The following ADGRV1 variants were observed in gnomAD, a reference collection of about 807,000 sequenced individuals.
ADGRV1 encodes adhesion G protein-coupled receptor V1, also known as G-protein coupled receptor 98.
Under a neutral mutation model 596.2 loss-of-function variants are expected in ADGRV1, and 359 were observed. The ratio of observed to expected loss-of-function variants is 0.60; its 90% CI spans 0.55 to 0.66. ADGRV1 has a LOEUF of 0.66. Ranked by LOEUF, ADGRV1 falls within the 30% of genes least tolerant of loss-of-function variation. ADGRV1 has a pLI of 0.00. For synonymous variants in ADGRV1, 2,681 were observed against 2,679.2 expected (o/e 1.00, Z -0.02); for missense variants, 7,274 against 7,575.6 (o/e 0.96, Z 1.48).
intron 83 of ADGRV1, among the ~76,000 whole-genome samples, chr5:90,926,506 AT>A (rs1409060980): frequency 6.6e-6 from 1 of 150,492 alleles, no homozygotes; most frequent in Non-Finnish European, 1.5e-5. Context: ...TATTGTGTCT[AT>A]TTGATTCTTC....
chr5:90,602,830 G>A (rs371222544), intron 1 of ADGRV1, among the ~76,000 whole-genome samples: 1 of 152,224 alleles, frequency 6.6e-6, no homozygotes, highest in African/African-American at 2.4e-5. Flanking sequence ...AGACATGGTG[G>A]TGGCTCAGCA....
intron 83 of ADGRV1, among the ~76,000 whole-genome samples, chr5:90,875,338 A>T (rs1305149090): frequency 6.6e-6 from 1 of 152,240 alleles, no homozygotes; most frequent in Non-Finnish European, 1.5e-5. Context: ...CAGAAAAGAA[A>T]TGCTTATAAA....
At chr5:91,041,683 C>A (rs1468936995) in intron 85 of ADGRV1, among the ~76,000 whole-genome samples, 1 of 150,478 alleles carries the variant, frequency 6.6e-6, no homozygotes, top group Non-Finnish European at 1.5e-5. Context: ...TTTGAAATAA[C>A]CTCTTTATGG....
chr5:90,684,917 A>G (rs751204157), intron 28 of ADGRV1, among the ~76,000 whole-genome samples: 3 of 152,290 alleles, frequency 2.0e-5, no homozygotes, highest in Middle Eastern at 3.4e-3. Context: ...AGTAATTTAG[A>G]GTATGATGAT....
At position 90,644,746 on chromosome 5, in the gene ADGRV1, T is replaced by A; in HGVS notation, c.2775T>A (p.Asp925Glu). ...DVVRNRGNFGDVSVSWVVSPD... is the reference protein window; with the variant it reads ...DVVRNRGNFGEVSVSWVVSPD... The stretch of plus-strand genomic sequence containing the variant: ...TAAGAAATCGAGGCAACTTTGGTGA[T>A]GTTAGTGTATCATGGGTGGTTAGTC... The change falls in exon 15 of 90, where the codon GAT becomes GAA. Residue 925 changes from aspartate to glutamate, a missense_variant. By Grantham distance (45) the Asp-to-Glu change is conservative (BLOSUM62 2). Transcript: ENST00000405460. 6.2e-7 allele frequency: 1 copy of A among 1,611,686 alleles called. No homozygotes were observed. The highest frequency in any genetic ancestry group is 8.5e-7 in the Non-Finnish European group (1 of 1,179,278).
At chr5:90,846,716 G>A (rs1765916795) in intron 78 of ADGRV1, 1 of 152,560 alleles carries the variant, frequency 6.6e-6, no homozygotes, top group Non-Finnish European at 1.5e-5. Context: ...TTATTGCAAA[G>A]AGCGGAAGAA....
intron 82 of ADGRV1, among the ~76,000 whole-genome samples, chr5:90,858,353 A>G (rs1767226572): frequency 6.6e-6 from 1 of 152,170 alleles, no homozygotes; most frequent in South Asian, 2.1e-4. Flanking sequence ...TATTTTGAGG[A>G]TGTCAAGGAA....
rs61201553 is a variant in ADGRV1, at chr5:90,572,869, G to A, written c.22+13952G>A. On this transcript the variant is annotated intron_variant, in intron 1 of 89. Transcript: ENST00000405460. ...ATGGACTGGATAGGAGGAAGGATAC[G>A]TCAGAGAATGTATTCATGCCCTTCC... 6.4e-3 allele frequency among the ~76,000 whole-genome samples: 977 copies of A among 152,264 alleles called. 9 individuals carry two copies. The highest frequency in any genetic ancestry group is 0.02 in the Middle Eastern group (6 of 294).
intron 77 of ADGRV1, among the ~76,000 whole-genome samples, chr5:90,837,133 A>C (rs147891632): frequency 3.4e-4 from 52 of 152,332 alleles, no homozygotes; most frequent in African/African-American, 1.2e-3. Flanking sequence ...TTGTGATATA[A>C]AGTTAAGAAG....
intron 60 of ADGRV1, among the ~76,000 whole-genome samples, chr5:90,775,157 T>C (rs1338528305): frequency 6.6e-6 from 1 of 152,196 alleles, no homozygotes; most frequent in African/African-American, 2.4e-5. Flanking sequence ...AATTTGGTGA[T>C]TAATACATTT....
In ADGRV1 at chr5:91,007,358, TC is replaced by T. The variant is rs1782363424; in HGVS notation, c.18152+21837del. 2.6e-5 allele frequency among the ~76,000 whole-genome samples: 4 copies of T among 152,104 alleles called. No homozygotes were observed. In the South Asian group the frequency reaches 8.3e-4, roughly 32 times the overall value. On this transcript the variant is annotated intron_variant, in intron 85 of 89. Coordinates refer to ENST00000405460, the MANE Select transcript of ADGRV1 (RefSeq NM_032119.4). The stretch of plus-strand genomic sequence containing the variant: ...TTAACATATACTCATAGTGTAGCCT[TC>T]AGTGCTTAGACTCATTCCATTCTTT...
chr5:90,783,906 TAGTG>T lies in ADGRV1; in HGVS notation c.13505_13508del (p.Val4502AlafsTer4), dbSNP rs1759137882. 6.2e-7 allele frequency: 1 copy of T among 1,612,396 alleles called. No homozygotes were observed. Among genetic ancestry groups the T allele is most frequent in the Non-Finnish European group, 8.5e-7 (1 of 1,179,278 alleles). ...GGAGGAGCGGTCCTTGGGCGCCACC[TAGTG>T]AGCAGAATCATAATAGCTAAGAGTG... On this transcript the variant is annotated frameshift_variant, in exon 67 of 90. Transcript: ENST00000405460. LOFTEE classifies it high-confidence loss of function.
chr5:91,082,615 T>C (rs900511656), intron 86 of ADGRV1, among the ~76,000 whole-genome samples: 1 of 152,208 alleles, frequency 6.6e-6, no homozygotes, highest in African/African-American at 2.4e-5. Context: ...AAAATGTATC[T>C]CTCTAAGATT....
In ADGRV1 at chr5:90,622,452, T is replaced by C. The variant is rs992332342; in HGVS notation, c.454-145T>C. 2.9e-5 allele frequency: 12 copies of C among 412,578 alleles called. No homozygotes were observed. The South Asian group carries it at 1.4e-3, about 48-fold the overall frequency. 25.6% of individuals were successfully genotyped at this position (412,578 alleles called of 1,614,324 possible). ...TTCAGCATTTTAAAGCTATAGTTCA[T>C]TGATGCTAGGAAATATCACATTCTT... is the stretch of plus-strand genomic sequence containing the variant. On this transcript the variant is annotated intron_variant, in intron 4 of 89. Coordinates refer to ENST00000405460, the MANE Select transcript of ADGRV1 (RefSeq NM_032119.4).
intron 86 of ADGRV1, among the ~76,000 whole-genome samples, chr5:91,081,378 C>G (rs754130313): frequency 1.4e-4 from 22 of 152,182 alleles, no homozygotes; most frequent in Non-Finnish European, 2.9e-4. Context: ...GTCTTGAGAC[C>G]AATATTGTTC....
chr5:90,660,005 G>A lies in ADGRV1; in HGVS notation c.4752+1727G>A, dbSNP rs538268981. 1.3e-4 allele frequency among the ~76,000 whole-genome samples: 20 copies of A among 151,726 alleles called. No individual in the cohort carries two copies. In the South Asian group the frequency reaches 3.3e-3, roughly 25 times the overall value. ...CGAGATGGTGCCACTGCACTCCAGC[G>A]TGGGTGACACAAGACTCTGTCTCAG... is the stretch of plus-strand genomic sequence containing the variant. On this transcript the variant is annotated intron_variant, in intron 21 of 89. Transcript: ENST00000405460.
intron 87 of ADGRV1, among the ~76,000 whole-genome samples, chr5:91,135,905 C>T (rs904843543): frequency 2.6e-5 from 4 of 152,016 alleles, no homozygotes; most frequent in Non-Finnish European, 5.9e-5. Context: ...ATCTCCACAC[C>T]GTGGAGGAAG....
chr5:91,030,003 A>G (rs1784342865), intron 85 of ADGRV1, among the ~76,000 whole-genome samples: 1 of 152,162 alleles, frequency 6.6e-6, no homozygotes, highest in African/African-American at 2.4e-5. Context: ...ACTTTTTAAA[A>G]ATAATAACCA....
At chr5:90,885,770 C>A (rs1770220899) in intron 83 of ADGRV1, among the ~76,000 whole-genome samples, 1 of 151,986 alleles carries the variant, frequency 6.6e-6, no homozygotes, top group South Asian at 2.1e-4. Flanking sequence ...ATGAATCTGC[C>A]CCATAATTTG....
Sources: gnomAD v4.1 joint callset for allele counts (sites outside exome capture counted in the v4.1 genomes callset) on GRCh38, gnomAD v4.1.1 for gene constraint, MANE v1.5 for transcripts, NCBI Gene and HGNC (gene_info 2026-07-23, HGNC 2026-07-21) for gene names.